The following MAP1B variants were observed in gnomAD, a reference collection of about 807,000 sequenced individuals.
MAP1B encodes the protein microtubule associated protein 1B.
In MAP1B, 12 loss-of-function variants were observed where a neutral mutation model predicts 176.1. That is an observed-to-expected ratio of 0.07 (90% confidence interval 0.04 to 0.11). The LOEUF (loss-of-function observed/expected upper bound fraction) is 0.11. MAP1B is among the 10% of genes least tolerant of loss of function. The probability of loss-of-function intolerance (pLI) is 1.00; values close to 1 mark genes in which losing one functional copy is unlikely to be tolerated. For missense variants in MAP1B, 2,523 were observed against 2,990.5 expected (o/e 0.84, Z 3.65); for synonymous variants, 1,044 against 1,135.0 (o/e 0.92, Z 1.61).
intron 2 of MAP1B, among the ~76,000 whole-genome samples, chr5:72,165,610 A>T (rs1746412809): frequency 6.6e-6 from 1 of 152,150 alleles, no homozygotes; most frequent in Admixed American, 6.5e-5. Flanking sequence ...TCTTGGGCTC[A>T]GTTTTCCCAT....
intron 2 of MAP1B, among the ~76,000 whole-genome samples, chr5:72,157,263 C>T (rs1286317693): frequency 6.6e-6 from 1 of 152,092 alleles, no homozygotes; most frequent in Non-Finnish European, 1.5e-5. Context: ...TGTAGAAATC[C>T]CAAGACAATC....
chr5:72,156,501 A>G (rs1027458286), intron 2 of MAP1B, among the ~76,000 whole-genome samples: 5 of 152,256 alleles, frequency 3.3e-5, no homozygotes, highest in African/African-American at 1.2e-4. Flanking sequence ...CTGAGCAGTA[A>G]AAGCATAAGA....
At chr5:72,190,162 A>G (rs1453119700) in intron 4 of MAP1B, among the ~76,000 whole-genome samples, 1 of 152,258 alleles carries the variant, frequency 6.6e-6, no homozygotes, top group Admixed American at 6.5e-5. Flanking sequence ...CTTCTATTAA[A>G]GAAGTCTAAA....
At chr5:72,188,892 G>C (rs1008471124) in intron 4 of MAP1B, among the ~76,000 whole-genome samples, 1 of 152,170 alleles carries the variant, frequency 6.6e-6, no homozygotes, top group Admixed American at 6.5e-5. Flanking sequence ...CACCCACAAA[G>C]AAAGGATGCC....
chr5:72,152,933 A>G (rs909743372), intron 2 of MAP1B, among the ~76,000 whole-genome samples: 1 of 152,216 alleles, frequency 6.6e-6, no homozygotes, highest in Non-Finnish European at 1.5e-5. Context: ...AACAGGAAGC[A>G]GCAACGCAAT....
intron 2 of MAP1B, among the ~76,000 whole-genome samples, chr5:72,164,401 C>T (rs577151586): frequency 6.6e-6 from 1 of 152,224 alleles, no homozygotes; most frequent in Non-Finnish European, 1.5e-5. Context: ...TTTTTAGCAT[C>T]AGAATTTTGG....
chr5:72,170,662 C>T (rs1156721925), intron 2 of MAP1B, among the ~76,000 whole-genome samples: 1 of 152,090 alleles, frequency 6.6e-6, no homozygotes, highest in Non-Finnish European at 1.5e-5. Context: ...GCGTGGTCCT[C>T]TTTGATGTTT....
In MAP1B at chr5:72,111,283, A is replaced by T. The variant is rs142611833; in HGVS notation, c.184+3568A>T. 6.6e-3 allele frequency among the ~76,000 whole-genome samples: 998 copies of T among 152,270 alleles called. 14 individuals are homozygous for T. The highest frequency in any genetic ancestry group is 0.023 in the African/African-American group (942 of 41,554). On this transcript the variant is annotated intron_variant, in intron 1 of 6. Coordinates refer to ENST00000296755, the MANE Select transcript of MAP1B (RefSeq NM_005909.5). ...CATTTTTTTTTTAAGGAACTAAAAC[A>T]TATAAAGAATATTAAGTGTCTGTTG...
intron 2 of MAP1B, among the ~76,000 whole-genome samples, chr5:72,162,883 A>G (rs1008486949): frequency 6.6e-6 from 1 of 152,100 alleles, no homozygotes; most frequent in African/African-American, 2.4e-5. Context: ...GGGGATTTTC[A>G]TTTCACTCAT....
In MAP1B at chr5:72,182,185, A is replaced by G. The variant is rs61329685; in HGVS notation, c.287-1558A>G. Among the ~76,000 whole-genome samples, 954 of 152,096 alleles carry G rather than the reference A, an allele frequency of 6.3e-3. 10 individuals carry two copies. Among genetic ancestry groups the G allele is most frequent in the African/African-American group, 0.022 (912 of 41,486 alleles). Reference sequence around the variant, plus strand: ...GGCCTTCATCACCTCTATTTTAAAAACATTTTCATCACTCCAAACAGAAAC... The same window carrying G: ...GGCCTTCATCACCTCTATTTTAAAAGCATTTTCATCACTCCAAACAGAAAC... On this transcript the variant is annotated intron_variant, in intron 2 of 6. Coordinates refer to ENST00000296755, the MANE Select transcript of MAP1B (RefSeq NM_005909.5).
At chr5:72,145,872 C>T (rs148482632) in intron 2 of MAP1B, among the ~76,000 whole-genome samples, 34 of 152,296 alleles carry the variant, frequency 2.2e-4, no homozygotes, top group Admixed American at 3.9e-4. Flanking sequence ...TATTGTTCCA[C>T]GTGGGTTCAG....
chr5:72,138,804 G>T (rs1013326462), intron 2 of MAP1B, among the ~76,000 whole-genome samples: 1 of 152,126 alleles, frequency 6.6e-6, no homozygotes, highest in African/African-American at 2.4e-5. Context: ...AATAATTTTT[G>T]TCTTTTCCTT....
Position 72,186,749 on chromosome 5 carries a change from C to G in MAP1B, c.505C>G (p.Gln169Glu), listed in dbSNP as rs963189645. 1.2e-6 allele frequency: 2 copies of G among 1,613,920 alleles called. No individual in the cohort carries two copies. The highest frequency in any genetic ancestry group is 8.5e-7 in the Non-Finnish European group (1 of 1,180,036). ...FQNFIEIFTD[Q>E]EIGELLSTTH... ...GAACTTCATAGAGATTTTCACCGAT[C>G]AAGAGGTAGGTTCGTGTCTGAGAAT... The change falls in exon 4 of 7, where the codon CAA (glutamine) becomes GAA (glutamate). Residue 169 changes from glutamine to glutamate, a missense_variant. Physicochemically the swap from Gln to Glu is conservative, Grantham distance 29. Coordinates refer to ENST00000296755, the MANE Select transcript of MAP1B (RefSeq NM_005909.5). This position sits in a 1 kb window ranked among gnomAD's most constrained non-coding sequence, Gnocchi z 4.3.
intron 5 of MAP1B, among the ~76,000 whole-genome samples, chr5:72,201,942 G>A (rs1747340973): frequency 6.6e-6 from 1 of 152,054 alleles, no homozygotes; most frequent in Admixed American, 6.5e-5. Flanking sequence ...CCTGCACTTA[G>A]GAGAAAACAT....
intron 2 of MAP1B, among the ~76,000 whole-genome samples, chr5:72,160,359 G>A (rs1188137174): frequency 1.3e-5 from 2 of 152,178 alleles, no homozygotes; most frequent in African/African-American, 2.4e-5. Flanking sequence ...CTGTGAGCCT[G>A]TATTTATTTT....
At chr5:72,172,511 G>A (rs866477523) in intron 2 of MAP1B, among the ~76,000 whole-genome samples, 1 of 152,060 alleles carries the variant, frequency 6.6e-6, no homozygotes, top group African/African-American at 2.4e-5. Flanking sequence ...TTTTGAGACC[G>A]AATAATAGTT....
At position 72,186,550 on chromosome 5, in the gene MAP1B, G is replaced by A; in HGVS notation, c.370-64G>A. The A allele has an allele frequency of 6.3e-7, 1 of 1,591,140 alleles. No individual in the cohort carries two copies. Among genetic ancestry groups the A allele is most frequent in the Non-Finnish European group, 8.6e-7 (1 of 1,165,704 alleles). On this transcript the variant is annotated intron_variant, in intron 3 of 6. Coordinates refer to ENST00000296755, the MANE Select transcript of MAP1B (RefSeq NM_005909.5). The surrounding 1 kb of genome is among the most constrained non-coding windows in gnomAD (Gnocchi z 4.3). ...TCCCATGGCTCCGAAGGCTAGCCCT[G>A]TCCTGAAGGTGGGATGGCAGCACTG...
chr5:72,130,044 A>C (rs2112140217), intron 2 of MAP1B, among the ~76,000 whole-genome samples: 1 of 152,296 alleles, frequency 6.6e-6, no homozygotes, highest in African/African-American at 2.4e-5. Flanking sequence ...AGAGTCCTTT[A>C]GCCAGCAAAT....
chr5:72,182,989 T>C (rs983262803), intron 2 of MAP1B, among the ~76,000 whole-genome samples: 2 of 152,230 alleles, frequency 1.3e-5, no homozygotes, highest in African/African-American at 4.8e-5. Flanking sequence ...AGCCACCGAA[T>C]GACCCTAGGA....
Sources: gnomAD v4.1 joint callset for allele counts (sites outside exome capture counted in the v4.1 genomes callset) on GRCh38, gnomAD v4.1.1 for gene constraint, Gnocchi (gnomAD v3.1) non-coding constraint, MANE v1.5 for transcripts, NCBI Gene and HGNC (gene_info 2026-07-23, HGNC 2026-07-21) for gene names.